The following RYR2 variants were observed in gnomAD, a reference collection of about 807,000 sequenced individuals.
RYR2 encodes the protein cardiac muscle ryanodine receptor-calcium release channel.
A neutral mutation model predicts 601.1 loss-of-function variants in RYR2; 227 were observed. The ratio of observed to expected loss-of-function variants is 0.38; its 90% CI spans 0.34 to 0.42. The LOEUF is 0.42. Among genes scored for constraint, RYR2 ranks in the 10% least tolerant of loss-of-function variants. The pLI is 1.00. For missense variants in RYR2, 4,646 were observed against 6,156.5 expected (o/e 0.75, Z 8.21); for synonymous variants, 2,223 against 2,175.1 (o/e 1.02, Z -0.61).
chr1:237,698,999 T>C lies in RYR2; in HGVS notation c.9102T>C (p.His3034=). 1 of 1,555,704 alleles carries C rather than the reference T, an allele frequency of 6.4e-7. No individual in the cohort carries two copies. The highest frequency in any genetic ancestry group is 1.4e-5 in the African/African-American group (1 of 73,828). ...CAACATCAATTGTCAACTGTCTTCA[T>C]ATTTTGGGTCAGACTTTGGATGCAA... The part of the protein sequence containing the change: ...NDATSIVNCL[H]ILGQTLDART... The change falls in exon 64 of 105, where the codon CAT becomes CAC. Residue 3034 remains histidine, a synonymous_variant. Transcript: ENST00000366574.
chr1:237,280,341 A>C (rs1263146994), intron 2 of RYR2, among the ~76,000 whole-genome samples: 2 of 152,220 alleles, frequency 1.3e-5, no homozygotes, highest in South Asian at 4.1e-4. Flanking sequence ...ATTAATTGAA[A>C]TAATAAAACA....
intron 26 of RYR2, among the ~76,000 whole-genome samples, chr1:237,550,293 T>C (rs760191245): frequency 5.3e-5 from 8 of 152,190 alleles, no homozygotes; most frequent in Non-Finnish European, 1.2e-4. Context: ...TAGAGATCAC[T>C]GAAGTTGTTT....
intron 78 of RYR2, 66 bp downstream of exon 78, chr1:237,732,215 C>A: frequency 1.1e-6 from 1 of 916,848 alleles, no homozygotes; most frequent in Non-Finnish European, 1.7e-6. Context: ...TCTGAGTATT[C>A]TGTGCCATGT....
intron 2 of RYR2, among the ~76,000 whole-genome samples, chr1:237,306,981 C>G (rs774992718): frequency 5.9e-5 from 9 of 152,158 alleles, no homozygotes; most frequent in Non-Finnish European, 1.0e-4. Flanking sequence ...CGGGTACGTA[C>G]TTATACTACT....
chr1:237,042,361 C>T lies in RYR2; in HGVS notation c.-161C>T, dbSNP rs950924384. The T allele has an allele frequency of 3.5e-6, 2 of 573,678 alleles. No homozygotes were observed. Among genetic ancestry groups the T allele is most frequent in the African/African-American group, 2.0e-5 (1 of 50,298 alleles). The allele number at this position is 573,678 out of a possible 1,614,324, so 35.5% of individuals were successfully genotyped here. A position where few individuals can be genotyped will look rare whatever the true frequency, so the allele number is the denominator to read the frequency against. ...GCCCGAGCGTCCGCGCCTCCTCCTC[C>T]GCTCTGCAGGCGGGGACCGCCCGGC... On this transcript the variant is annotated 5_prime_UTR_variant, in exon 1 of 105. Coordinates refer to ENST00000366574, the MANE Select transcript of RYR2 (RefSeq NM_001035.3).
intron 29 of RYR2, among the ~76,000 whole-genome samples, chr1:237,575,788 T>C (rs2148328757): frequency 6.6e-6 from 1 of 152,308 alleles, no homozygotes; most frequent in Admixed American, 6.5e-5. Flanking sequence ...TTTTTCAAAC[T>C]TGTAATATGA....
At chr1:237,730,219 T>A in intron 76 of RYR2, 41 bp from the exon 77 acceptor site, 3 of 1,159,060 alleles carry the variant, frequency 2.6e-6, no homozygotes, top group Non-Finnish European at 3.9e-6. Flanking sequence ...TTCAACTTAT[T>A]TTCTAAACAC....
At chr1:237,480,378 CAAAAAAAAA>C in intron 17 of RYR2, among the ~76,000 whole-genome samples, 1 of 57,686 alleles carries the variant, frequency 1.7e-5, no homozygotes, top group South Asian at 6.3e-4. Context: ...AAGATCATCT[CAAAAAAAAA>C]AAAAAAAAAA....
intron 99 of RYR2, among the ~76,000 whole-genome samples, chr1:237,806,538 G>T (rs867923529): frequency 3.3e-5 from 5 of 152,128 alleles, no homozygotes; most frequent in Middle Eastern, 6.8e-3. Flanking sequence ...TTGCGAAAAT[G>T]AAATAAAAAC....
At chr1:237,686,923 C>T (rs1369743270) in intron 62 of RYR2, among the ~76,000 whole-genome samples, 5 of 152,026 alleles carry the variant, frequency 3.3e-5, no homozygotes, top group South Asian at 2.1e-4. Flanking sequence ...GCTTACGTTA[C>T]GTAAGGAGTG....
At chr1:237,043,025 A>T (rs1020150144) in intron 1 of RYR2, among the ~76,000 whole-genome samples, 1 of 151,810 alleles carries the variant, frequency 6.6e-6, no homozygotes, top group Non-Finnish European at 1.5e-5. Flanking sequence ...CGCCGCCGGG[A>T]GGTTTCTTGG....
intron 46 of RYR2, among the ~76,000 whole-genome samples, chr1:237,639,540 A>G (rs1558117985): frequency 6.6e-6 from 1 of 152,078 alleles, no homozygotes; most frequent in Admixed American, 6.6e-5. Flanking sequence ...GTTTAGTGGG[A>G]AGGTAGTTAG....
chr1:237,678,039 A>G lies in RYR2; in HGVS notation c.8831-9A>G, dbSNP rs187977513. ...GCAGCATTTACCTAAAAACTCTTCA[A>G]ATCTACAGATGGTGGCAGCAGAGGC... On this transcript the variant is annotated splice_polypyrimidine_tract_variant and intron_variant, in intron 60 of 104. Transcript: ENST00000366574. 6.3e-7 allele frequency: 1 copy of G among 1,584,326 alleles called. No homozygotes were observed. The highest frequency in any genetic ancestry group is 8.7e-7 in the Non-Finnish European group (1 of 1,154,634).
chr1:237,181,236 G>A (rs189998282), intron 1 of RYR2, among the ~76,000 whole-genome samples: 7 of 151,896 alleles, frequency 4.6e-5, no homozygotes, highest in East Asian at 1.9e-4. Flanking sequence ...CGCCCTCCTC[G>A]GCTTCCCAAA....
intron 63 of RYR2, among the ~76,000 whole-genome samples, 190 bp downstream of exon 63, chr1:237,687,694 C>CT (rs1324288391): frequency 6.6e-6 from 1 of 152,108 alleles, no homozygotes; most frequent in East Asian, 1.9e-4. Flanking sequence ...ATTGAGGACT[C>CT]TATCTTTTTT....
At chr1:237,346,367 C>CAAAAAAAAAA (rs397975831) in intron 3 of RYR2, among the ~76,000 whole-genome samples, 2 of 62,338 alleles carry the variant, frequency 3.2e-5, no homozygotes, top group Admixed American at 1.9e-4. Context: ...GGGTCTACCT[C>CAAAAAAAAAA]AAAAAAAAAA....
At position 237,456,596 on chromosome 1, in the gene RYR2, C is replaced by A; in HGVS notation, c.1477-4C>A. On this transcript the variant is annotated splice_region_variant and splice_polypyrimidine_tract_variant and intron_variant, in intron 15 of 104. Transcript: ENST00000366574. ...TGTGATTTTTTTTTTTTTTAACGTT[C>A]CAGGGAATGATCAACCTCGTGCTTG... 6.8e-7 allele frequency: 1 copy of A among 1,479,746 alleles called. No individual in the cohort carries two copies. The highest frequency in any genetic ancestry group is 9.0e-7 in the Non-Finnish European group (1 of 1,107,052). The allele number at this position is 1,479,746 out of a possible 1,614,324, so 91.7% of individuals were successfully genotyped here.
At chr1:237,290,691 C>T (rs958432407) in intron 2 of RYR2, among the ~76,000 whole-genome samples, 5 of 151,920 alleles carry the variant, frequency 3.3e-5, no homozygotes, top group African/African-American at 9.7e-5. Context: ...CCACCAACAA[C>T]GAAAATACAA....
At chr1:237,380,949 G>A (rs1701458577) in intron 8 of RYR2, among the ~76,000 whole-genome samples, 1 of 152,012 alleles carries the variant, frequency 6.6e-6, no homozygotes. Flanking sequence ...GTGGTGGCAG[G>A]TGCCAGTAAT....
Sources: allele counts gnomAD v4.1 joint callset (sites outside exome capture counted in the v4.1 genomes callset), GRCh38; gene constraint gnomAD v4.1.1; transcripts MANE v1.5; gene names NCBI Gene and HGNC (gene_info 2026-07-23, HGNC 2026-07-21).